Variants in CENPK observed in about 807,000 individuals in gnomAD.
The protein encoded by CENPK is SoxLZ/Sox6-binding protein Solt.
In CENPK, 46 loss-of-function variants were observed where a neutral mutation model predicts 40.9. That is an observed-to-expected ratio of 1.13 (90% CI 0.89 to 1.44). The LOEUF (loss-of-function observed/expected upper bound fraction) is 1.44, where lower values mean the gene tolerates loss of function less well. Ranked by LOEUF, CENPK falls within the 40% of genes most tolerant of loss-of-function variation. CENPK has a pLI of 0.00. For missense variants in CENPK, 288 were observed against 303.5 expected (o/e 0.95, Z 0.38); for synonymous variants, 107 against 104.4 (o/e 1.02, Z -0.15).
intron 8 of CENPK, 36 bp downstream of exon 8, chr5:65,528,883 T>A (rs747893917): frequency 8.0e-7 from 1 of 1,250,638 alleles, no homozygotes. Context: ...TAAAATACTT[T>A]TCCTATTTTA....
intron 2 of CENPK, among the ~76,000 whole-genome samples, chr5:65,557,610 A>G (rs768005978): frequency 6.6e-6 from 1 of 152,218 alleles, no homozygotes; most frequent in Non-Finnish European, 1.5e-5. Flanking sequence ...CCAGACATAC[A>G]CACGATCATT....
chr5:65,536,650 A>AC (rs1561652398), intron 6 of CENPK, among the ~76,000 whole-genome samples: 1 of 122,198 alleles, frequency 8.2e-6, no homozygotes, highest in Non-Finnish European at 1.7e-5. Flanking sequence ...ATATGTAGGG[A>AC]TTGGGGGGGA....
the CENPK span, among the ~76,000 whole-genome samples, chr5:65,495,887 T>A: frequency 6.6e-6 from 1 of 152,194 alleles, no homozygotes; most frequent in African/African-American, 2.4e-5. Context: ...TTCCATTAAA[T>A]GGGCACTCTC....
chr5:65,517,857 A>T lies in CENPK; in HGVS notation c.*618T>A, dbSNP rs1327594781. 6.6e-6 allele frequency: 1 copy of T among 152,084 alleles called. No homozygotes were observed. Among genetic ancestry groups the T allele is most frequent in the African/African-American group, 2.4e-5 (1 of 41,460 alleles). 9.4% of individuals were successfully genotyped at this position (152,084 alleles called of 1,614,324 possible). A position where few individuals can be genotyped will look rare whatever the true frequency, so the allele number is the denominator to read the frequency against. ...CAATTTTGTTGGTAATAATTAGCAG[A>T]ATCAAGAGTAGATTAATATATAAGG... On this transcript the variant is annotated 3_prime_UTR_variant, in exon 11 of 11. Coordinates refer to ENST00000396679, the MANE Select transcript of CENPK (RefSeq NM_022145.5).
At chr5:65,521,758 G>A (rs549571872) in intron 9 of CENPK, among the ~76,000 whole-genome samples, 75 of 152,174 alleles carry the variant, frequency 4.9e-4, no homozygotes, top group African/African-American at 1.7e-3. Context: ...CCACCACCAT[G>A]CCTGGCTAAT....
Position 65,554,925 on chromosome 5 carries a change from A to G in CENPK, c.-18T>C. 1 of 1,429,564 alleles carries G rather than the reference A, an allele frequency of 7.0e-7. No homozygotes were observed. Among genetic ancestry groups the G allele is most frequent in the Non-Finnish European group, 9.8e-7 (1 of 1,019,418 alleles). The allele number at this position is 1,429,564 out of a possible 1,614,324, so 88.6% of individuals were successfully genotyped here. A position where few individuals can be genotyped will look rare whatever the true frequency, so the allele number is the denominator to read the frequency against. On this transcript the variant is annotated 5_prime_UTR_variant, in exon 3 of 11. Coordinates refer to ENST00000396679, the MANE Select transcript of CENPK (RefSeq NM_022145.5). ...TGATTCATTGATATATGCTTTGTGA[A>G]TTTTTAGCCTTATAAGAAAAACTAA...
At chr5:65,529,474 G>A (rs1467936357) in intron 6 of CENPK, 4 of 270,326 alleles carry the variant, frequency 1.5e-5, no homozygotes, top group Non-Finnish European at 2.7e-5. Flanking sequence ...TAATAAGAGA[G>A]TAGGTACCTT....
At position 65,554,963 on chromosome 5, in the gene CENPK, T is replaced by G; in HGVS notation, c.-39-17A>C. 2.0e-6 allele frequency: 2 copies of G among 1,015,088 alleles called. No homozygotes were observed. Among genetic ancestry groups the G allele is most frequent in the South Asian group, 2.6e-5 (2 of 76,698 alleles). The allele number at this position is 1,015,088 out of a possible 1,614,324, so 62.9% of individuals were successfully genotyped here. Reference sequence around the variant, plus strand: ...TAAGAAAAACTAAAGCAAAAAATATTTATTCATTCAGCAGTATTGGTTGAA... The same window carrying G: ...TAAGAAAAACTAAAGCAAAAAATATGTATTCATTCAGCAGTATTGGTTGAA... On this transcript the variant is annotated splice_polypyrimidine_tract_variant and intron_variant, in intron 2 of 10. Coordinates refer to ENST00000396679, the MANE Select transcript of CENPK (RefSeq NM_022145.5).
chr5:65,520,740 C>G (rs1264521146), intron 10 of CENPK, among the ~76,000 whole-genome samples: 1 of 152,094 alleles, frequency 6.6e-6, no homozygotes, highest in African/African-American at 2.4e-5. Context: ...AACGCGTTTT[C>G]TGAAATCACT....
In CENPK at chr5:65,563,132, G is replaced by A. The variant is rs140804671; in HGVS notation, c.-176C>T. On this transcript the variant is annotated 5_prime_UTR_variant, in exon 1 of 11. Transcript: ENST00000396679. ...GTCACAAACTCCAGGTCGCCTAGGC[G>A]CTGCGCAGGAAGCGCTTGCCAGCCC... 2 of 750,368 alleles carry A rather than the reference G, an allele frequency of 2.7e-6. No individual in the cohort carries two copies. The highest frequency in any genetic ancestry group is 1.9e-5 in the South Asian group (1 of 52,214). 46.5% of individuals were successfully genotyped at this position (750,368 alleles called of 1,614,324 possible). A position where few individuals can be genotyped will look rare whatever the true frequency, so the allele number is the denominator to read the frequency against.
At chr5:65,551,520 T>C (rs1162400814) in intron 5 of CENPK, 44 bp downstream of exon 5, 9 of 1,056,900 alleles carry the variant, frequency 8.5e-6, no homozygotes, top group Non-Finnish European at 1.1e-5. Context: ...TAATTTGCTA[T>C]TAATAGGTTT....
chr5:65,524,074 TAAC>T (rs1482189386), intron 9 of CENPK, among the ~76,000 whole-genome samples: 1 of 152,046 alleles, frequency 6.6e-6, no homozygotes. Flanking sequence ...GGATTAAACT[TAAC>T]AACTCTTGGA....
chr5:65,537,553 G>A (rs1747154538), intron 6 of CENPK, among the ~76,000 whole-genome samples: 1 of 152,256 alleles, frequency 6.6e-6, no homozygotes, highest in South Asian at 2.1e-4. Context: ...GCCCACCTTG[G>A]CTTCCCAAAG....
intron 5 of CENPK, among the ~76,000 whole-genome samples, chr5:65,543,822 A>T (rs1328931253): frequency 6.6e-6 from 1 of 152,214 alleles, no homozygotes. Context: ...GTGTACTTTG[A>T]ATCTGAATAG....
At chr5:65,560,838 T>C (rs1162225984) in intron 2 of CENPK, 23 of 152,198 alleles carry the variant, frequency 1.5e-4, no homozygotes, top group Non-Finnish European at 1.5e-5. Flanking sequence ...AGTTCTATTC[T>C]TAGGAATAAT....
At chr5:65,512,040 T>A in the CENPK span, among the ~76,000 whole-genome samples, 1 of 152,174 alleles carries the variant, frequency 6.6e-6, no homozygotes, top group Non-Finnish European at 1.5e-5. Context: ...ACTTCATGGA[T>A]GACTCTGAGG....
At chr5:65,518,955 C>CA (rs1309178217) in intron 10 of CENPK, among the ~76,000 whole-genome samples, 1 of 151,982 alleles carries the variant, frequency 6.6e-6, no homozygotes, top group Non-Finnish European at 1.5e-5. Flanking sequence ...TAATATTTCA[C>CA]AAAAAACACA....
At chr5:65,536,382 G>A (rs1186256278) in intron 6 of CENPK, among the ~76,000 whole-genome samples, 2 of 152,132 alleles carry the variant, frequency 1.3e-5, no homozygotes, top group African/African-American at 4.8e-5. Context: ...GGGAGGCCAA[G>A]GTGGAAGGAC....
chr5:65,514,154 T>C (rs1742685923), downstream of CENPK, among the ~76,000 whole-genome samples: 1 of 150,804 alleles, frequency 6.6e-6, no homozygotes. Flanking sequence ...TCATGAGAGA[T>C]ACTAGTCTGT....
Sources: gnomAD v4.1 joint callset for allele counts (sites outside exome capture counted in the v4.1 genomes callset) on GRCh38, gnomAD v4.1.1 for gene constraint, MANE v1.5 for transcripts, NCBI Gene and HGNC (gene_info 2026-07-23, HGNC 2026-07-21) for gene names.